Variants in PDE10A observed in about 807,000 individuals in gnomAD.
PDE10A encodes phosphodiesterase 10A.
In PDE10A, 39 loss-of-function variants were observed where a neutral mutation model predicts 97.7. The observed-to-expected ratio is 0.40, with a 90% CI of 0.31 to 0.52. The LOEUF (loss-of-function observed/expected upper bound fraction) is 0.52, where lower values mean the gene tolerates loss of function less well. Ranked by LOEUF, PDE10A falls within the 20% of genes least tolerant of loss-of-function variation. PDE10A has a pLI of 0.56. For synonymous variants in PDE10A, 371 were observed against 376.8 expected, an observed-to-expected ratio of 0.98 and a Z score of 0.18; for missense variants, 731 against 1,047.8, an observed-to-expected ratio of 0.70 and a Z score of 4.17.
intron 1 of PDE10A, among the ~76,000 whole-genome samples, chr6:165,586,711 A>G (rs951630903): frequency 2.6e-5 from 4 of 152,198 alleles, no homozygotes; most frequent in East Asian, 1.9e-4. Context: ...ACCAAAATCC[A>G]TGATTCTTAA....
chr6:165,443,138 C>T (rs1223575615), intron 5 of PDE10A, among the ~76,000 whole-genome samples: 2 of 144,860 alleles, frequency 1.4e-5, no homozygotes, highest in African/African-American at 5.1e-5. Context: ...AAAAAAATGT[C>T]CAAGTCTAAA....
At chr6:165,522,456 T>C (rs1354038988) in intron 2 of PDE10A, among the ~76,000 whole-genome samples, 2 of 152,090 alleles carry the variant, frequency 1.3e-5, no homozygotes, top group African/African-American at 4.8e-5. Context: ...TTCGCCACAA[T>C]CAAGTAGGCT....
At chr6:165,793,688 G>A (rs964073663) in intron 1 of PDE10A, among the ~76,000 whole-genome samples, 7 of 152,212 alleles carry the variant, frequency 4.6e-5, no homozygotes, top group African/African-American at 1.7e-4. Context: ...CTTATGGAGT[G>A]CCTTGGCCAA....
chr6:165,933,982 A>G (rs1783236283), intron 1 of PDE10A, among the ~76,000 whole-genome samples: 1 of 149,956 alleles, frequency 6.7e-6, no homozygotes. Flanking sequence ...TTGAAGCATC[A>G]ATTCCCTTTT....
intron 1 of PDE10A, among the ~76,000 whole-genome samples, chr6:165,933,594 T>C (rs753639823): frequency 4.6e-5 from 7 of 152,208 alleles, no homozygotes; most frequent in Non-Finnish European, 1.0e-4. Context: ...TGAAAATTCA[T>C]TTTCAAATAT....
At position 165,537,547 on chromosome 6, in the gene PDE10A, CATA is replaced by C. The variant is rs372838939; in HGVS notation, c.994+5890_994+5892del. Among the ~76,000 whole-genome samples, 377 of 151,842 alleles carry C rather than the reference CATA, an allele frequency of 2.5e-3. 2 individuals carry two copies. The highest frequency in any genetic ancestry group is 8.4e-3 in the African/African-American group (347 of 41,418). Reference sequence around the variant, plus strand: ...TAAATATGTATAATTACTAAGTATTCATAATAATATATTCATAATTTTAAATTT... The same window carrying C: ...TAAATATGTATAATTACTAAGTATTCATAATATATTCATAATTTTAAATTT... On this transcript the variant is annotated intron_variant, in intron 2 of 21. Coordinates refer to ENST00000539869, the MANE Select transcript of PDE10A (RefSeq NM_001385079.1).
At chr6:165,531,157 T>C (rs948490332) in intron 2 of PDE10A, among the ~76,000 whole-genome samples, 5 of 151,976 alleles carry the variant, frequency 3.3e-5, no homozygotes, top group Non-Finnish European at 7.4e-5. Context: ...TCACATACTC[T>C]AACTACATGC....
chr6:165,856,220 C>T (rs1465748975), intron 1 of PDE10A, among the ~76,000 whole-genome samples: 1 of 152,140 alleles, frequency 6.6e-6, no homozygotes, highest in African/African-American at 2.4e-5. Context: ...CCTGGAAATC[C>T]TTGTTTTCAA....
At chr6:165,646,127 G>C (rs1789385839) in intron 1 of PDE10A, among the ~76,000 whole-genome samples, 1 of 152,162 alleles carries the variant, frequency 6.6e-6, no homozygotes, top group Non-Finnish European at 1.5e-5. Context: ...AGGAACGCGA[G>C]GGCAAAGGCC....
chr6:165,571,058 T>C (rs1383418197), intron 1 of PDE10A, among the ~76,000 whole-genome samples: 2 of 152,208 alleles, frequency 1.3e-5, no homozygotes, highest in African/African-American at 4.8e-5. Context: ...TTTCACACAC[T>C]AAGCACTAAA....
intron 1 of PDE10A, among the ~76,000 whole-genome samples, chr6:165,715,686 T>C (rs567398284): frequency 1.3e-5 from 2 of 152,260 alleles, no homozygotes; most frequent in South Asian, 4.2e-4. Context: ...GCATGGATAA[T>C]GGATCAGGTG....
At chr6:165,619,241 G>GTGTAGGGTAGTCTA (rs879730313) in intron 1 of PDE10A, among the ~76,000 whole-genome samples, 1 of 109,704 alleles carries the variant, frequency 9.1e-6, no homozygotes, top group African/African-American at 4.3e-5. Flanking sequence ...AGACTAGTGT[G>GTGTAGGGTAGTCTA]GTGTAGTGTA....
intron 1 of PDE10A, among the ~76,000 whole-genome samples, chr6:165,959,748 C>T (rs1251857821): frequency 6.6e-6 from 1 of 152,134 alleles, no homozygotes; most frequent in African/African-American, 2.4e-5. Flanking sequence ...AGAGGGCCCT[C>T]TCTCCCACTT....
At chr6:165,386,866 AT>A (rs1785340436) in intron 17 of PDE10A, among the ~76,000 whole-genome samples, 1 of 140,506 alleles carries the variant, frequency 7.1e-6, no homozygotes, top group Non-Finnish European at 1.6e-5. Flanking sequence ...AAAAAAAAAA[AT>A]TAGCCGGGCA....
chr6:165,789,437 C>G (rs902647032), intron 1 of PDE10A, among the ~76,000 whole-genome samples: 1 of 152,136 alleles, frequency 6.6e-6, no homozygotes, highest in African/African-American at 2.4e-5. Flanking sequence ...ATCTGTGAAG[C>G]CTATACATGA....
chr6:165,498,619 T>A (rs767141462), intron 2 of PDE10A, among the ~76,000 whole-genome samples: 6 of 151,978 alleles, frequency 3.9e-5, no homozygotes, highest in Non-Finnish European at 8.8e-5. Context: ...CACATTACTC[T>A]ATCAGCAGAG....
At chr6:165,840,928 G>T (rs1050255087) in intron 1 of PDE10A, among the ~76,000 whole-genome samples, 7 of 152,174 alleles carry the variant, frequency 4.6e-5, no homozygotes, top group Non-Finnish European at 5.9e-5. Flanking sequence ...CCCATTTTGG[G>T]GATGGCCCTT....
intron 5 of PDE10A, among the ~76,000 whole-genome samples, chr6:165,444,987 T>A (rs936525321): frequency 4.2e-5 from 6 of 142,028 alleles, no homozygotes; most frequent in Admixed American, 1.4e-4. Flanking sequence ...CTATAGTATA[T>A]AATTTTTGTT....
intron 1 of PDE10A, among the ~76,000 whole-genome samples, chr6:165,817,736 C>T (rs1206531129): frequency 6.6e-6 from 1 of 152,110 alleles, no homozygotes; most frequent in Admixed American, 6.5e-5. Flanking sequence ...TGGGTTGTAG[C>T]GTTGACTGTC....
Sources: gnomAD v4.1 joint callset for allele counts (sites outside exome capture counted in the v4.1 genomes callset) on GRCh38, gnomAD v4.1.1 for gene constraint, MANE v1.5 for transcripts, NCBI Gene and HGNC (gene_info 2026-07-23, HGNC 2026-07-21) for gene names.